The following GAB2 variants were observed in gnomAD, a reference collection of about 807,000 sequenced individuals.
GAB2 encodes the protein GRB2-associated-binding protein 2.
A neutral mutation model predicts 65.5 loss-of-function variants in GAB2; 26 were observed. That is an observed-to-expected ratio of 0.40 (90% CI 0.29 to 0.55). The LOEUF is 0.55. GAB2 is among the 20% of genes least tolerant of loss of function. The pLI, the probability that GAB2 is intolerant of heterozygous loss-of-function variation, is 0.53. For synonymous variants in GAB2, 321 were observed against 329.6 expected, an observed-to-expected ratio of 0.97 and a Z score of 0.28; for missense variants, 884 against 875.8, an observed-to-expected ratio of 1.01 and a Z score of -0.12.
intron 2 of GAB2, among the ~76,000 whole-genome samples, chr11:78,264,446 G>T (rs1402644956): frequency 1.3e-5 from 2 of 151,558 alleles, no homozygotes; most frequent in Admixed American, 1.3e-4. Flanking sequence ...TTTTGCCCAG[G>T]CTGGAGTGCA....
intron 2 of GAB2, among the ~76,000 whole-genome samples, chr11:78,265,595 A>G (rs1157498874): frequency 1.3e-5 from 2 of 152,184 alleles, no homozygotes; most frequent in African/African-American, 4.8e-5. Flanking sequence ...CAAACAATAA[A>G]CAAATGGTAG....
At chr11:78,402,590 G>C (rs1045306862) in intron 1 of GAB2, among the ~76,000 whole-genome samples, 7 of 139,118 alleles carry the variant, frequency 5.0e-5, no homozygotes, top group African/African-American at 1.7e-4. Context: ...CCAGTAGCTG[G>C]GATTACAGGC....
intron 1 of GAB2, among the ~76,000 whole-genome samples, chr11:78,410,656 C>T (rs986871207): frequency 6.6e-6 from 1 of 152,168 alleles, no homozygotes; most frequent in Non-Finnish European, 1.5e-5. Flanking sequence ...ACAACTTAGA[C>T]AAAATGGACC....
chr11:78,393,804 G>T (rs546241499), intron 1 of GAB2, among the ~76,000 whole-genome samples: 1 of 152,200 alleles, frequency 6.6e-6, no homozygotes, highest in Non-Finnish European at 1.5e-5. Flanking sequence ...CAATGTGCCT[G>T]GCATTATCAT....
At chr11:78,225,548 G>A (rs1864612635) in intron 4 of GAB2, among the ~76,000 whole-genome samples, 1 of 152,178 alleles carries the variant, frequency 6.6e-6, no homozygotes. Context: ...TGATTTATAT[G>A]TGTTGGTTTT....
chr11:78,239,111 G>A (rs868683459), intron 3 of GAB2, among the ~76,000 whole-genome samples: 56 of 147,156 alleles, frequency 3.8e-4, no homozygotes, highest in African/African-American at 1.3e-3. Context: ...AAAAAAAAAA[G>A]GAAGTAATGC....
chr11:78,396,777 A>G (rs1240452446), intron 1 of GAB2, among the ~76,000 whole-genome samples: 2 of 152,128 alleles, frequency 1.3e-5, no homozygotes, highest in Non-Finnish European at 2.9e-5. Context: ...TTGTATTTTT[A>G]GTAGAGATGG....
At chr11:78,358,544 T>C (rs1856392681) in intron 1 of GAB2, among the ~76,000 whole-genome samples, 1 of 149,978 alleles carries the variant, frequency 6.7e-6, no homozygotes, top group Non-Finnish European at 1.5e-5. Flanking sequence ...CTGGCTCTAA[T>C]GCAAGTTTGT....
At chr11:78,375,915 C>A (rs887056275) in intron 1 of GAB2, among the ~76,000 whole-genome samples, 2 of 152,192 alleles carry the variant, frequency 1.3e-5, no homozygotes, top group Non-Finnish European at 2.9e-5. Context: ...GACCATCCTA[C>A]TCCTTATACC....
intron 1 of GAB2, among the ~76,000 whole-genome samples, chr11:78,291,611 G>A (rs2134606789): frequency 1.9e-5 from 2 of 105,758 alleles, no homozygotes; most frequent in African/African-American, 7.4e-5. Context: ...TCCCTCTGTT[G>A]CCCAGACGGG....
chr11:78,389,168 A>G (rs1856803155), intron 1 of GAB2, among the ~76,000 whole-genome samples: 1 of 152,222 alleles, frequency 6.6e-6, no homozygotes, highest in Admixed American at 6.5e-5. Flanking sequence ...GCCAAGATAG[A>G]GTCTCAATCA....
chr11:78,279,737 GT>G (rs1866279819), intron 2 of GAB2, among the ~76,000 whole-genome samples: 1 of 151,908 alleles, frequency 6.6e-6, no homozygotes, highest in Non-Finnish European at 1.5e-5. Context: ...CACTTAACAT[GT>G]TTTCAGTACT....
intron 1 of GAB2, among the ~76,000 whole-genome samples, chr11:78,286,558 T>C (rs1016097020): frequency 4.6e-5 from 7 of 152,114 alleles, no homozygotes; most frequent in East Asian, 1.9e-4. Flanking sequence ...GCTTAACACA[T>C]ATAGGAGCTC....
chr11:78,302,045 T>C (rs1042642783), intron 1 of GAB2, among the ~76,000 whole-genome samples: 8 of 152,164 alleles, frequency 5.3e-5, no homozygotes, highest in African/African-American at 9.7e-5. Context: ...CAACCCAAGA[T>C]AGATCAAGGA....
At position 78,237,275 on chromosome 11, in the gene GAB2, T is replaced by A. The variant is rs559772213; in HGVS notation, c.621-10224A>T. On this transcript the variant is annotated intron_variant, in intron 3 of 9. Coordinates refer to ENST00000361507, the MANE Select transcript of GAB2 (RefSeq NM_080491.3). ...GGTCTTAATGTGTAACAGCCAAAACTGGAAACAATCTAAATGCTTATCATC... is the reference window on the plus strand; with the variant it reads ...GGTCTTAATGTGTAACAGCCAAAACAGGAAACAATCTAAATGCTTATCATC... 3.3e-5 allele frequency among the ~76,000 whole-genome samples: 5 copies of A among 152,300 alleles called. No homozygotes were observed. In the South Asian group the frequency reaches 1.0e-3, roughly 32 times the overall value.
intron 1 of GAB2, among the ~76,000 whole-genome samples, chr11:78,398,644 AT>A (rs1467795676): frequency 1.3e-5 from 2 of 149,470 alleles, no homozygotes; most frequent in African/African-American, 2.6e-5. Context: ...AATAAAAAAA[AT>A]AAAGTGATAA....
chr11:78,282,634 C>G (rs2134589332), intron 1 of GAB2, among the ~76,000 whole-genome samples: 1 of 152,130 alleles, frequency 6.6e-6, no homozygotes. Flanking sequence ...TTGATTAAGT[C>G]ATTTACCTCT....
chr11:78,413,107 T>C lies in GAB2; in HGVS notation c.75+4539A>G, dbSNP rs146241131. The stretch of plus-strand genomic sequence containing the variant: ...ACAAAGAAGAGTTTAGTTTTGGAAG[T>C]GGTGAGTTTGTGTTGACTGGGAAAC... On this transcript the variant is annotated intron_variant, in intron 1 of 9. Coordinates refer to ENST00000361507, the MANE Select transcript of GAB2 (RefSeq NM_080491.3). Among the ~76,000 whole-genome samples the C allele has an allele frequency of 6.9e-3, 1,050 of 152,256 alleles. 7 individuals are homozygous for C. Among genetic ancestry groups the C allele is most frequent in the Non-Finnish European group, 8.4e-3 (568 of 68,008 alleles).
At chr11:78,299,900 A>T (rs1374098389) in intron 1 of GAB2, among the ~76,000 whole-genome samples, 1 of 152,190 alleles carries the variant, frequency 6.6e-6, no homozygotes, top group African/African-American at 2.4e-5. Context: ...GAATTAAAAG[A>T]ATGACCCTGG....
Sources: allele counts gnomAD v4.1 joint callset (sites outside exome capture counted in the v4.1 genomes callset), GRCh38; gene constraint gnomAD v4.1.1; transcripts MANE v1.5; gene names NCBI Gene and HGNC (gene_info 2026-07-23, HGNC 2026-07-21).